Variants in PIEZO1 observed in about 807,000 individuals in gnomAD.
The protein encoded by PIEZO1 is piezo-type mechanosensitive ion channel component 1.
A neutral mutation model predicts 297.2 loss-of-function variants in PIEZO1; 296 were observed. The observed-to-expected ratio is 1.00, with a 90% CI of 0.91 to 1.10. The LOEUF (loss-of-function observed/expected upper bound fraction) is 1.10. PIEZO1 is among the 50% of genes least tolerant of loss of function. The pLI, the probability that PIEZO1 is intolerant of heterozygous loss-of-function variation, is 0.00. For missense variants in PIEZO1, 5,018 were observed against 3,455.5 expected, an observed-to-expected ratio of 1.45 and a Z score of -11.34; for synonymous variants, 2,427 against 1,507.5, an observed-to-expected ratio of 1.61 and a Z score of -14.13.
intron 44 of PIEZO1, chr16:88,717,749 G>C: frequency 2.2e-6 from 1 of 449,862 alleles, no homozygotes; most frequent in Non-Finnish European, 4.5e-6. Context: ...AATTGATAAG[G>C]TTCTAGCAAC....
At chr16:88,733,794 TC>T in intron 17 of PIEZO1, 49 bp from the exon 18 acceptor site, 3 of 1,482,516 alleles carry the variant, frequency 2.0e-6, no homozygotes, top group Non-Finnish European at 9.0e-7. Flanking sequence ...GATTCCCGGG[TC>T]CCCTGTGAGG....
intron 36 of PIEZO1, 53 bp downstream of exon 36, chr16:88,722,165 G>A: frequency 6.6e-7 from 1 of 1,526,134 alleles, no homozygotes; most frequent in Non-Finnish European, 8.8e-7. Flanking sequence ...CCCCTGTTCG[G>A]CTGCTCCCCG....
chr16:88,729,356 A>G (rs376963222), intron 22 of PIEZO1, among the ~76,000 whole-genome samples: 1 of 66,368 alleles, frequency 1.5e-5, no homozygotes, highest in South Asian at 8.3e-4. Context: ...AACCCAGGAC[A>G]TGCTGAACCC....
chr16:88,739,061 CACCTCA>C, intron 5 of PIEZO1: 1 of 355,956 alleles, frequency 2.8e-6, no homozygotes, highest in South Asian at 4.3e-5. Context: ...TGTCCTATAC[CACCTCA>C]TCTCCCCGAA....
intron 23 of PIEZO1, 44 bp downstream of exon 23, chr16:88,727,513 T>G (rs1904539154): frequency 3.9e-6 from 3 of 759,640 alleles, no homozygotes; most frequent in Non-Finnish European, 6.5e-6. Flanking sequence ...GTGAATGTAC[T>G]CTGAGGGTCC....
chr16:88,736,959 C>A (rs1479025964), intron 10 of PIEZO1: 2 of 455,506 alleles, frequency 4.4e-6, no homozygotes, highest in South Asian at 6.2e-5. Context: ...GCCTCACTTT[C>A]CTTGAAAGGG....
In PIEZO1 at chr16:88,722,570, C is replaced by A; in HGVS notation, c.4775+13G>T. ...GGGGCAGCAGCTGGGGCTCGGGTCA[C>A]CCCCGCACCTACCTGGACACGGTGC... On this transcript the variant is annotated intron_variant, in intron 35 of 50. Transcript: ENST00000301015. 1.3e-6 allele frequency: 2 copies of A among 1,514,768 alleles called. No individual in the cohort carries two copies. Among genetic ancestry groups the A allele is most frequent in the Non-Finnish European group, 1.8e-6 (2 of 1,129,430 alleles). The allele number at this position is 1,514,768 out of a possible 1,614,324, so 93.8% of individuals were successfully genotyped here. A position where few individuals can be genotyped will look rare whatever the true frequency, so the allele number is the denominator to read the frequency against.
At position 88,716,396 on chromosome 16, in the gene PIEZO1, C is replaced by G. The variant is rs1295062291; in HGVS notation, c.7014G>C (p.Leu2338=). The G allele has an allele frequency of 2.4e-5, 37 of 1,548,346 alleles. No homozygotes were observed. The highest frequency in any genetic ancestry group is 3.2e-5 in the Non-Finnish European group (37 of 1,145,768). The part of the protein sequence containing the change: ...LAPNSTARRQ[L]ASLLEGTSDQ... ...CCGAGGTGCCCTCGAGCAGGCTGGC[C>G]AGCTGCCGCCGTGCAGTGCTGTTGG... is the stretch of plus-strand genomic sequence containing the variant. Residue 2338 remains leucine (L), a synonymous_variant, in exon 48 of 51, where the codon CTG becomes CTC. Transcript: ENST00000301015.
chr16:88,722,531 A>G lies in PIEZO1; in HGVS notation c.4775+52T>C, dbSNP rs558691378. 3.5e-6 allele frequency: 5 copies of G among 1,436,966 alleles called. No homozygotes were observed. The Admixed American group carries it at 9.6e-5, about 28-fold the overall frequency. The allele number at this position is 1,436,966 out of a possible 1,614,324, so 89.0% of individuals were successfully genotyped here. A position where few individuals can be genotyped will look rare whatever the true frequency, so the allele number is the denominator to read the frequency against. ...GGCGAGGGTCGGGGATGGCTAGGCG[A>G]TGCCCACACACCAGGGGCAGCAGCT... On this transcript the variant is annotated intron_variant, in intron 35 of 50. Transcript: ENST00000301015.
intron 7 of PIEZO1, 26 bp from the exon 8 acceptor site, chr16:88,738,131 C>A: frequency 6.5e-7 from 1 of 1,535,762 alleles, no homozygotes; most frequent in Non-Finnish European, 8.7e-7. Context: ...CCGTCACAGC[C>A]TACCACCCCA....
intron 27 of PIEZO1, chr16:88,725,905 A>C (rs987456823): frequency 5.7e-5 from 33 of 574,968 alleles, no homozygotes; most frequent in Non-Finnish European, 9.6e-5. Flanking sequence ...GTCTGGTGGC[A>C]CCCACCCCAC....
intron 5 of PIEZO1, 184 bp downstream of exon 5, chr16:88,741,294 C>T: frequency 1.7e-6 from 1 of 583,874 alleles, no homozygotes; most frequent in Non-Finnish European, 3.0e-6. Context: ...AGAAACAGGT[C>T]TGAACGGATG....
At position 88,716,608 on chromosome 16, in the gene PIEZO1, A is replaced by AGCGG. The variant is rs1250822551; in HGVS notation, c.6876_6877insCCGC (p.Tyr2293ProfsTer63). The stretch of plus-strand genomic sequence containing the variant: ...AGGGTGATGTCGGCCGTGCCGTTGT[A>AGCGG]GAGCTCCCGCTTCATCTGGGCACGG... On this transcript the variant is annotated frameshift_variant, in exon 47 of 51. Transcript: ENST00000301015. LOFTEE classifies it high-confidence loss of function. 1 of 1,549,720 alleles carries AGCGG rather than the reference A, an allele frequency of 6.5e-7. No homozygotes were observed. The highest frequency in any genetic ancestry group is 8.7e-7 in the Non-Finnish European group (1 of 1,146,794).
chr16:88,722,134 C>T, intron 36 of PIEZO1, 68 bp from the exon 37 acceptor site: 2 of 1,521,724 alleles, frequency 1.3e-6, no homozygotes, highest in Non-Finnish European at 1.8e-6. Context: ...CGATCTGTTG[C>T]CGGTCACAGT....
At chr16:88,719,549 C>T (rs778396519) in intron 44 of PIEZO1, 25 bp downstream of exon 44, 34 of 1,545,034 alleles carry the variant, frequency 2.2e-5, no homozygotes, top group Admixed American at 3.9e-5. Flanking sequence ...GCCCTTGTCC[C>T]GGCCCCCGCC....
At chr16:88,749,101 G>C (rs551342745) in intron 2 of PIEZO1, among the ~76,000 whole-genome samples, 1 of 151,834 alleles carries the variant, frequency 6.6e-6, no homozygotes, top group Non-Finnish European at 1.5e-5. Context: ...TAAGCCAGGC[G>C]TGGTGGCGGG....
At chr16:88,734,202 G>C in intron 16 of PIEZO1, 148 bp from the exon 17 acceptor site, 1 of 1,198,904 alleles carries the variant, frequency 8.3e-7, no homozygotes, top group Non-Finnish European at 1.1e-6. Flanking sequence ...CTGTCCCTGT[G>C]ACCTCCACGC....
Position 88,742,316 on chromosome 16 carries a change from C to T in PIEZO1, c.267G>A (p.Gln89=), listed in dbSNP as rs776288115. The T allele has an allele frequency of 2.6e-6, 4 of 1,533,764 alleles. No homozygotes were observed. The South Asian group carries it at 4.8e-5, about 18-fold the overall frequency. Residue 89 remains glutamine, a synonymous_variant, in exon 3 of 51, where the codon CAG becomes CAA. Transcript: ENST00000301015. The part of the protein sequence containing the change: ...ICLHIVPRLD[Q]LLGPSCSRWE... ...GCGACTCACAGCTGGGTCCCAGGAG[C>T]TGGTCCAGGCGGGGCACAATATGCA...
Position 88,721,966 on chromosome 16 carries a change from G to A in PIEZO1, c.5056C>T (p.His1686Tyr). 6.5e-7 allele frequency: 1 copy of A among 1,550,064 alleles called. No individual in the cohort carries two copies. The highest frequency in any genetic ancestry group is 1.4e-5 in the African/African-American group (1 of 73,174). The change falls in exon 37 of 51, where the codon CAC becomes TAC. Residue 1686 changes from histidine (H) to tyrosine (Y), a missense_variant. Physicochemically the swap from His to Tyr is moderately conservative, Grantham distance 83. Transcript: ENST00000301015. ...ATGAAGTAGCAGAGCAGCTCCGAGT[G>A]GGCGGCCACACACTGGTACACGGCC... ...LRAVYQCVAAHSELLCYFIII... is the reference protein window; with the variant it reads ...LRAVYQCVAAYSELLCYFIII...
Sources: gnomAD v4.1 joint callset for allele counts (sites outside exome capture counted in the v4.1 genomes callset) on GRCh38, gnomAD v4.1.1 for gene constraint, MANE v1.5 for transcripts, NCBI Gene and HGNC (gene_info 2026-07-23, HGNC 2026-07-21) for gene names.